Variants in TLL1 observed in about 807,000 individuals in gnomAD.
TLL1 encodes the protein tolloid-like protein 1.
TLL1 carries 49 observed loss-of-function variants against 128.2 expected under a neutral mutation model. The ratio of observed to expected loss-of-function variants is 0.38; its 90% CI spans 0.30 to 0.48. The LOEUF is 0.48. Among genes scored for constraint, TLL1 ranks in the 20% least tolerant of loss-of-function variants. The probability of loss-of-function intolerance (pLI) is 0.96; values close to 1 mark genes in which losing one functional copy is unlikely to be tolerated. For synonymous variants in TLL1, 454 were observed against 418.8 expected, an observed-to-expected ratio of 1.08 and a Z score of -1.03; for missense variants, 1,123 against 1,242.0, an observed-to-expected ratio of 0.90 and a Z score of 1.44.
chr4:166,039,475 A>G (rs767352399), intron 10 of TLL1, 34 bp downstream of exon 10: 2 of 1,517,990 alleles, frequency 1.3e-6, no homozygotes, highest in Non-Finnish European at 1.8e-6. Context: ...GTGGCTATGT[A>G]TCTATTCTGT....
At chr4:166,000,487 A>G (rs1435310941) in intron 5 of TLL1, among the ~76,000 whole-genome samples, 2 of 152,172 alleles carry the variant, frequency 1.3e-5, no homozygotes, top group East Asian at 3.9e-4. Context: ...GGAAATTGCT[A>G]TGAGAGCAAT....
chr4:165,988,622 G>C (rs1736493861), intron 1 of TLL1, among the ~76,000 whole-genome samples: 1 of 151,866 alleles, frequency 6.6e-6, no homozygotes, highest in African/African-American at 2.4e-5. Flanking sequence ...GTAACAGAGA[G>C]ACCCTAACTC....
intron 8 of TLL1, among the ~76,000 whole-genome samples, chr4:166,021,934 T>C (rs1738259729): frequency 6.6e-6 from 1 of 152,212 alleles, no homozygotes; most frequent in Non-Finnish European, 1.5e-5. Context: ...GGTGCTTCGT[T>C]TTAAAGGATG....
At chr4:165,987,321 A>G (rs1736433214) in intron 1 of TLL1, among the ~76,000 whole-genome samples, 1 of 152,136 alleles carries the variant, frequency 6.6e-6, no homozygotes. Context: ...TATGAAAACC[A>G]ACAAGCCTTA....
At chr4:166,065,950 T>C (rs887231290) in intron 16 of TLL1, 87 bp downstream of exon 16, 8 of 879,666 alleles carry the variant, frequency 9.1e-6, no homozygotes, top group Non-Finnish European at 1.2e-5. Flanking sequence ...TTTCATAGTT[T>C]TCTGTAAATG....
chr4:165,964,542 G>C (rs1160407888), intron 1 of TLL1, among the ~76,000 whole-genome samples: 2 of 152,138 alleles, frequency 1.3e-5, no homozygotes, highest in South Asian at 4.1e-4. Flanking sequence ...ACTCTGGATA[G>C]TTATTAAATC....
rs906978822 is a variant in TLL1, at chr4:166,104,391, T to C, written c.*3515T>C. ...ATAAGACTTGCCTTATGGAAAATTT[T>C]TGATACCACTTGTTAAATCAGGCAT... On this transcript the variant is annotated 3_prime_UTR_variant, in exon 21 of 21. Coordinates refer to ENST00000061240, the MANE Select transcript of TLL1 (RefSeq NM_012464.5). Among the ~76,000 whole-genome samples the C allele has an allele frequency of 3.3e-5, 5 of 152,104 alleles. No homozygotes were observed. The highest frequency in any genetic ancestry group is 1.2e-4 in the African/African-American group (5 of 41,548).
chr4:166,003,973 A>T (rs1737287560), intron 6 of TLL1, among the ~76,000 whole-genome samples: 1 of 152,086 alleles, frequency 6.6e-6, no homozygotes, highest in Non-Finnish European at 1.5e-5. Flanking sequence ...ACGTGCTGCT[A>T]CCATAGGAAT....
chr4:165,919,527 T>C lies in TLL1; in HGVS notation c.169+45454T>C, dbSNP rs538938529. ...TAGACAATATAATTCATATAGTATA[T>C]ATATAATTAACTGACTTTCTGTGTA... On this transcript the variant is annotated intron_variant, in intron 1 of 20. Coordinates refer to ENST00000061240, the MANE Select transcript of TLL1 (RefSeq NM_012464.5). Among the ~76,000 whole-genome samples, 62 of 152,226 alleles carry C rather than the reference T, an allele frequency of 4.1e-4. 2 individuals carry two copies. In the South Asian group the frequency reaches 0.013, roughly 31 times the overall value.
chr4:166,069,206 A>G (rs1740704269), intron 16 of TLL1, among the ~76,000 whole-genome samples: 1 of 151,774 alleles, frequency 6.6e-6, no homozygotes, highest in African/African-American at 2.4e-5. Context: ...AAATTTTATT[A>G]CAGGCAATCT....
At chr4:166,016,224 A>G (rs1169926854) in intron 8 of TLL1, among the ~76,000 whole-genome samples, 1 of 152,104 alleles carries the variant, frequency 6.6e-6, no homozygotes, top group Non-Finnish European at 1.5e-5. Flanking sequence ...AAATGAATTT[A>G]TAAGAGAATG....
chr4:165,907,284 C>G (rs529322557), intron 1 of TLL1, among the ~76,000 whole-genome samples: 6 of 152,080 alleles, frequency 3.9e-5, no homozygotes, highest in Admixed American at 3.3e-4. Context: ...CCATAGTAGA[C>G]ATTTCTTTTA....
At chr4:166,067,423 A>G (rs987952666) in intron 16 of TLL1, among the ~76,000 whole-genome samples, 1 of 151,774 alleles carries the variant, frequency 6.6e-6, no homozygotes, top group Non-Finnish European at 1.5e-5. Context: ...AATATAAGAT[A>G]TGCTTCCTTA....
At chr4:165,934,681 T>C in intron 1 of TLL1, among the ~76,000 whole-genome samples, 1 of 152,216 alleles carries the variant, frequency 6.6e-6, no homozygotes, top group East Asian at 1.9e-4. Context: ...CTTTAACACC[T>C]GGGTTGATTT....
intron 1 of TLL1, among the ~76,000 whole-genome samples, chr4:165,964,938 AAAAT>A (rs1033996130): frequency 2.6e-5 from 4 of 152,148 alleles, no homozygotes; most frequent in African/African-American, 9.6e-5. Context: ...CCGTGTCTCA[AAAAT>A]AAATAAATAA....
intron 8 of TLL1, among the ~76,000 whole-genome samples, chr4:166,018,007 T>A (rs9884550): frequency 0.014 from 2,125 of 152,192 alleles, 50 homozygotes; most frequent in African/African-American, 0.048. Context: ...ATGTGAGTCT[T>A]AATAGGGTGA....
At chr4:165,937,707 T>C (rs534702279) in intron 1 of TLL1, among the ~76,000 whole-genome samples, 1 of 152,232 alleles carries the variant, frequency 6.6e-6, no homozygotes, top group Non-Finnish European at 1.5e-5. Context: ...GAAGGACTAA[T>C]AGCAACCACA....
intron 1 of TLL1, among the ~76,000 whole-genome samples, chr4:165,974,179 C>T (rs1318835025): frequency 2.0e-5 from 2 of 99,454 alleles, no homozygotes; most frequent in African/African-American, 6.7e-5. Flanking sequence ...CTCGCTCTGT[C>T]GCCCAGGCTG....
Position 165,976,527 on chromosome 4 carries a change from G to A in TLL1, c.170-12854G>A, listed in dbSNP as rs1470309848. ...TGCAATTCTAATCAAGGTCTCATTGGGTTTTTCTTGTAGCTTGACTGTCTG... is the reference window on the plus strand; with the variant it reads ...TGCAATTCTAATCAAGGTCTCATTGAGTTTTTCTTGTAGCTTGACTGTCTG... On this transcript the variant is annotated intron_variant, in intron 1 of 20. Coordinates refer to ENST00000061240, the MANE Select transcript of TLL1 (RefSeq NM_012464.5). Among the ~76,000 whole-genome samples the A allele has an allele frequency of 3.3e-5, 5 of 151,924 alleles. 1 individual carries two copies. The highest frequency in any genetic ancestry group is 1.3e-4 in the Admixed American group (2 of 15,250).
Sources: gnomAD v4.1 joint callset for allele counts (sites outside exome capture counted in the v4.1 genomes callset) on GRCh38, gnomAD v4.1.1 for gene constraint, MANE v1.5 for transcripts, NCBI Gene and HGNC (gene_info 2026-07-23, HGNC 2026-07-21) for gene names.